DISC1: variants seen among roughly 807,000 people sequenced by gnomAD.
DISC1 encodes disrupted in schizophrenia 1 protein.
A neutral mutation model predicts 84.5 loss-of-function variants in DISC1; 57 were observed. That is an observed-to-expected ratio of 0.67 (90% CI 0.55 to 0.84). The LOEUF (loss-of-function observed/expected upper bound fraction) is 0.84, where lower values mean the gene tolerates loss of function less well. Ranked by LOEUF, DISC1 falls within the 40% of genes least tolerant of loss-of-function variation. The pLI, the probability that DISC1 is intolerant of heterozygous loss-of-function variation, is 0.00. For synonymous variants in DISC1, 411 were observed against 415.2 expected, an observed-to-expected ratio of 0.99 and a Z score of 0.12; for missense variants, 1,000 against 1,057.8, an observed-to-expected ratio of 0.95 and a Z score of 0.76.
chr1:231,815,565 C>T (rs927127835), intron 8 of DISC1, among the ~76,000 whole-genome samples: 22 of 152,040 alleles, frequency 1.4e-4, no homozygotes, highest in South Asian at 6.2e-4. Flanking sequence ...GGTGAAACCC[C>T]GGCTCTACTA....
At position 231,710,840 on chromosome 1, in the gene DISC1, C is replaced by G. The variant is rs1385678141; in HGVS notation, c.1117+8816C>G. On this transcript the variant is annotated intron_variant, in intron 3 of 12. Coordinates refer to ENST00000439617, the MANE Select transcript of DISC1 (RefSeq NM_018662.3). ...TCCAAATACAATTAAATTCTGAGGT[C>G]CTGGGGGTTAGAACTCCAACATATG... is the stretch of plus-strand genomic sequence containing the variant. Among the ~76,000 whole-genome samples, 6 of 152,072 alleles carry G rather than the reference C, an allele frequency of 3.9e-5. No homozygotes were observed. The East Asian group carries it at 1.2e-3, about 29-fold the overall frequency.
At chr1:231,935,281 A>G (rs2090910832) in intron 9 of DISC1, among the ~76,000 whole-genome samples, 1 of 152,178 alleles carries the variant, frequency 6.6e-6, no homozygotes, top group Non-Finnish European at 1.5e-5. Flanking sequence ...TTTTCCAACA[A>G]TCTCATATAT....
intron 7 of DISC1, among the ~76,000 whole-genome samples, chr1:231,799,626 G>T (rs943370898): frequency 6.6e-6 from 1 of 151,778 alleles, no homozygotes; most frequent in East Asian, 2.0e-4. Context: ...CAAACCACCT[G>T]GGACTACAAA....
chr1:232,036,648 G>A (rs760434515), intron 12 of DISC1, 44 bp from the exon 13 acceptor site: 1 of 1,502,200 alleles, frequency 6.7e-7, no homozygotes, highest in Non-Finnish European at 9.0e-7. Context: ...AGGCCGCAGA[G>A]GGCCACGATC....
chr1:231,963,926 G>A (rs1660741869), intron 10 of DISC1, among the ~76,000 whole-genome samples: 1 of 152,184 alleles, frequency 6.6e-6, no homozygotes, highest in Non-Finnish European at 1.5e-5. Flanking sequence ...GAACAGGACA[G>A]GGATTTTCAC....
intron 9 of DISC1, among the ~76,000 whole-genome samples, chr1:231,839,055 G>C (rs865790570): frequency 6.6e-6 from 1 of 152,194 alleles, no homozygotes; most frequent in Non-Finnish European, 1.5e-5. Flanking sequence ...AGACAGCAGA[G>C]ATAAGGACAA....
intron 10 of DISC1, among the ~76,000 whole-genome samples, chr1:232,004,191 A>C (rs1054211524): frequency 5.3e-5 from 8 of 151,940 alleles, no homozygotes; most frequent in Non-Finnish European, 1.5e-5. Context: ...AAAGTAAGAT[A>C]ATAAATCCAA....
intron 9 of DISC1, among the ~76,000 whole-genome samples, chr1:231,911,819 C>T (rs563552051): frequency 1.3e-5 from 2 of 152,292 alleles, no homozygotes; most frequent in African/African-American, 4.8e-5. Context: ...ACCAATCAGA[C>T]GTAGACTTGG....
intron 3 of DISC1, among the ~76,000 whole-genome samples, chr1:231,726,254 A>G (rs2070676738): frequency 6.6e-6 from 1 of 152,236 alleles, no homozygotes; most frequent in Non-Finnish European, 1.5e-5. Context: ...ATAACATAAC[A>G]TTATGGAATG....
chr1:231,686,033 G>A (rs1168441932), intron 1 of DISC1, among the ~76,000 whole-genome samples: 1 of 152,198 alleles, frequency 6.6e-6, no homozygotes, highest in Non-Finnish European at 1.5e-5. Context: ...ACTGATCCAA[G>A]AGGTGGGTTC....
In DISC1 at chr1:232,009,340, GCAT is replaced by G; in HGVS notation, c.2307+292_2307+294del. The G allele has an allele frequency of 9.4e-7, 1 of 1,066,518 alleles. No individual in the cohort carries two copies. The highest frequency in any genetic ancestry group is 1.2e-6 in the Non-Finnish European group (1 of 853,044). 66.1% of individuals were successfully genotyped at this position (1,066,518 alleles called of 1,614,324 possible). Reference sequence around the variant, plus strand: ...GTCTAATATAGAATTACCATATATAGCATACATTATATATGTCATATATAATAT... The same window carrying G: ...GTCTAATATAGAATTACCATATATAGACATTATATATGTCATATATAATAT... On this transcript the variant is annotated intron_variant, in intron 11 of 12. Coordinates refer to ENST00000439617, the MANE Select transcript of DISC1 (RefSeq NM_018662.3). The surrounding 1 kb of genome is among the most constrained non-coding windows in gnomAD (Gnocchi z 4.6).
chr1:231,847,289 T>C (rs1344967015), intron 9 of DISC1, among the ~76,000 whole-genome samples: 1 of 152,092 alleles, frequency 6.6e-6, no homozygotes, highest in East Asian at 1.9e-4. Context: ...GGTTTAGGGC[T>C]CAACCTCTTG....
At chr1:231,912,273 T>C (rs545326319) in intron 9 of DISC1, among the ~76,000 whole-genome samples, 2 of 152,368 alleles carry the variant, frequency 1.3e-5, no homozygotes, top group South Asian at 4.1e-4. Flanking sequence ...TTTAGAATTT[T>C]CAGCTTTTCT....
intron 9 of DISC1, among the ~76,000 whole-genome samples, chr1:231,957,824 A>G (rs1238113851): frequency 1.3e-5 from 2 of 152,184 alleles, no homozygotes; most frequent in East Asian, 3.9e-4. Context: ...ACAGTCCCTC[A>G]CCTTACACAT....
chr1:231,765,757 C>T (rs571398719), intron 4 of DISC1, among the ~76,000 whole-genome samples: 125 of 152,268 alleles, frequency 8.2e-4, no homozygotes, highest in Non-Finnish European at 4.1e-4. Flanking sequence ...CCAAATATGT[C>T]AACTCCGGCA....
At position 232,009,052 on chromosome 1, in the gene DISC1, C is replaced by G; in HGVS notation, c.2307+3C>G. The G allele has an allele frequency of 6.2e-7, 1 of 1,613,822 alleles. No homozygotes were observed. The highest frequency in any genetic ancestry group is 8.5e-7 in the Non-Finnish European group (1 of 1,179,806). On this transcript the variant is annotated splice_donor_region_variant and intron_variant, in intron 11 of 12. Coordinates refer to ENST00000439617, the MANE Select transcript of DISC1 (RefSeq NM_018662.3). This position sits in a 1 kb window ranked among gnomAD's most constrained non-coding sequence, Gnocchi z 4.6. ...GTGCTGGAGGTGAACAGAAAGAGGT[C>G]TGTCCTTTTCACATGGCCTCCAGAG...
intron 1 of DISC1, among the ~76,000 whole-genome samples, chr1:231,646,634 C>G (rs2060159072): frequency 6.6e-6 from 1 of 152,212 alleles, no homozygotes; most frequent in Non-Finnish European, 1.5e-5. Context: ...TGAATCGCCG[C>G]ACTGTCTTCC....
rs35677987 is a variant in DISC1 at position 231,705,291 on chromosome 1, CAAAAAAAAAA to C, written c.1117+3283_1117+3292del. Among the ~76,000 whole-genome samples the C allele has an allele frequency of 4.5e-4, 5 of 11,064 alleles. No individual in the cohort carries two copies. In the Admixed American group the frequency reaches 6.7e-3, roughly 15 times the overall value. 7.3% of individuals were successfully genotyped at this position (11,064 alleles called of 152,430 possible). ...CAACAGTGGGAGCGAGACTCCATCT[CAAAAAAAAAA>C]AAAAAAAAAAAAAAATCATTAAAAA... On this transcript the variant is annotated intron_variant, in intron 3 of 12. Transcript: ENST00000439617.
At chr1:231,857,233 A>C (rs202193740) in intron 9 of DISC1, among the ~76,000 whole-genome samples, 26 of 152,222 alleles carry the variant, frequency 1.7e-4, no homozygotes, top group Non-Finnish European at 3.1e-4. Context: ...ACCCTCCAGA[A>C]CTACAGGCTC....
Sources: gnomAD v4.1 joint callset for allele counts (sites outside exome capture counted in the v4.1 genomes callset) on GRCh38, gnomAD v4.1.1 for gene constraint, Gnocchi (gnomAD v3.1) non-coding constraint, MANE v1.5 for transcripts, NCBI Gene and HGNC (gene_info 2026-07-23, HGNC 2026-07-21) for gene names.